The following NPHP3 variants were observed in gnomAD, a reference collection of about 807,000 sequenced individuals.
NPHP3 encodes the protein nephrocystin 3.
A neutral mutation model predicts 171.9 loss-of-function variants in NPHP3; 123 were observed. The observed-to-expected ratio is 0.72, with a 90% CI of 0.62 to 0.83. The LOEUF (loss-of-function observed/expected upper bound fraction) is 0.83, where lower values mean the gene tolerates loss of function less well. Ranked by LOEUF, NPHP3 falls within the 40% of genes least tolerant of loss-of-function variation. The pLI, the probability that NPHP3 is intolerant of heterozygous loss-of-function variation, is 0.00. For synonymous variants in NPHP3, 558 were observed against 579.2 expected (o/e 0.96, Z 0.52); for missense variants, 1,506 against 1,591.9 (o/e 0.95, Z 0.92).
chr3:132,686,025 G>C (rs1576661481), intron 23 of NPHP3: 1 of 418,008 alleles, frequency 2.4e-6, no homozygotes, highest in Admixed American at 3.5e-5. Flanking sequence ...CTCCAGCCTG[G>C]GCAACAGAGC....
chr3:132,707,938 A>G (rs1396958621), intron 7 of NPHP3, among the ~76,000 whole-genome samples, 163 bp downstream of exon 7: 2 of 152,142 alleles, frequency 1.3e-5, no homozygotes, highest in Non-Finnish European at 2.9e-5. Flanking sequence ...GTTCTTCACA[A>G]TCAATGAGGC....
Position 132,716,903 on chromosome 3 carries a change from C to T in NPHP3, c.677G>A (p.Gly226Glu). Residue 226 changes from glycine (G) to glutamate (E), a missense_variant, in exon 4 of 27, where the codon GGA becomes GAA. Gly to Glu is a moderately conservative substitution (Grantham distance 98). Around this residue, in one of 3 missense-constraint regions of NPHP3, gnomAD observed 930 missense variants for 924.9 expected, o/e 1.01. Coordinates refer to ENST00000337331, the MANE Select transcript of NPHP3 (RefSeq NM_153240.5). ...GCCAGTCCAATATTCACATTGGGTT[C>T]CAGCAGCTGTTCAGCAAGAGATTTT... Reference protein sequence around the residue: ...DDNCTDVTAAGTQCEYWTGGA... With the variant: ...DDNCTDVTAAETQCEYWTGGA... The T allele has an allele frequency of 6.2e-7, 1 of 1,613,876 alleles. No individual in the cohort carries two copies. Among genetic ancestry groups the T allele is most frequent in the Non-Finnish European group, 8.5e-7 (1 of 1,180,020 alleles).
In NPHP3 at chr3:132,681,258, CTTTTTTTTTTTTT is replaced by C. The variant is rs886058000; in HGVS notation, c.*639_*651del. 2 of 105,658 alleles carry C rather than the reference CTTTTTTTTTTTTT, an allele frequency of 1.9e-5. No homozygotes were observed. The allele number at this position is 105,658 out of a possible 1,614,324, so 6.5% of individuals were successfully genotyped here. ...GAGAGCTCAAAAGAATCATGGAATT[CTTTTTTTTTTTTT>C]TTTTTTTTTTGAGACAGAGTCTCAC... is the stretch of plus-strand genomic sequence containing the variant. On this transcript the variant is annotated 3_prime_UTR_variant, in exon 27 of 27. Coordinates refer to ENST00000337331, the MANE Select transcript of NPHP3 (RefSeq NM_153240.5).
At position 132,722,229 on chromosome 3, in the gene NPHP3, T is replaced by G. The variant is rs1317268471; in HGVS notation, c.127A>C (p.Asn43His). The G allele has an allele frequency of 1.9e-6, 3 of 1,551,630 alleles. No individual in the cohort carries two copies. Among genetic ancestry groups the G allele is most frequent in the Non-Finnish European group, 2.6e-6 (3 of 1,159,366 alleles). ...EVKPKARLLR[N>H]SFRRGAGAAA... ...GCCCCCGCGCCTCGGCGGAACGAGTTGCGCAGCAGGCGGGCCTTGGGCTTC... is the reference window on the plus strand; with the variant it reads ...GCCCCCGCGCCTCGGCGGAACGAGTGGCGCAGCAGGCGGGCCTTGGGCTTC... The change falls in exon 1 of 27, where the codon AAC (asparagine) becomes CAC (histidine). Residue 43 changes from asparagine to histidine, a missense_variant. Asn to His is a moderately conservative substitution (Grantham distance 68). Around this residue, in one of 3 missense-constraint regions of NPHP3, gnomAD observed 930 missense variants for 924.9 expected, o/e 1.01. Coordinates refer to ENST00000337331, the MANE Select transcript of NPHP3 (RefSeq NM_153240.5).
In NPHP3 at chr3:132,684,933, T is replaced by C. The variant is rs143882570; in HGVS notation, c.3330-139A>G. 113 of 1,029,474 alleles carry C rather than the reference T, an allele frequency of 1.1e-4. No individual in the cohort carries two copies. In the African/African-American group the frequency reaches 1.5e-3, roughly 14 times the overall value. 63.8% of individuals were successfully genotyped at this position (1,029,474 alleles called of 1,614,324 possible). On this transcript the variant is annotated intron_variant, in intron 23 of 26. Coordinates refer to ENST00000337331, the MANE Select transcript of NPHP3 (RefSeq NM_153240.5). ...TAAGAGATTCAGCTCAAAATCTTAC[T>C]TTCCCCCTCTTCCCCACCCCTATCT...
chr3:132,703,175 T>C (rs1939660533), intron 9 of NPHP3, among the ~76,000 whole-genome samples: 1 of 152,244 alleles, frequency 6.6e-6, no homozygotes, highest in Non-Finnish European at 1.5e-5. Context: ...TATTAGTTAT[T>C]CTCATTTTAC....
chr3:132,704,363 C>G lies in NPHP3; in HGVS notation c.1359G>C (p.Leu453=). 6.2e-7 allele frequency: 1 copy of G among 1,614,090 alleles called. No homozygotes were observed. The highest frequency in any genetic ancestry group is 2.2e-5 in the East Asian group (1 of 44,874). ...CVEKIIKQDI[L]GFENTDLETK... ...TCTCCAAGTCTGTGTTCTCAAAACC[C>G]AGTATGTCCTAAACACAAAGAACAA... Residue 453 remains leucine, a synonymous_variant, in exon 9 of 27, where the codon CTG becomes CTC. Coordinates refer to ENST00000337331, the MANE Select transcript of NPHP3 (RefSeq NM_153240.5).
intron 6 of NPHP3, among the ~76,000 whole-genome samples, chr3:132,711,675 T>C (rs1939912545): frequency 6.6e-6 from 1 of 151,684 alleles, no homozygotes; most frequent in African/African-American, 2.4e-5. Flanking sequence ...TTAGAAAAAA[T>C]AATGTAACAA....
At chr3:132,721,937 G>A (rs773074196) in intron 1 of NPHP3, 26 bp downstream of exon 1, 6 of 1,609,874 alleles carry the variant, frequency 3.7e-6, no homozygotes, top group Non-Finnish European at 3.4e-6. Flanking sequence ...AGGGTCTCCC[G>A]GCGTCGCGGC....
intron 1 of NPHP3, chr3:132,721,474 G>C (rs560793264): frequency 9.9e-6 from 2 of 201,598 alleles, no homozygotes; most frequent in African/African-American, 4.7e-5. Context: ...TTATGGTGGG[G>C]AGGGGGGTGA....
In NPHP3 at chr3:132,722,281, G is replaced by A. The variant is rs746955224; in HGVS notation, c.75C>T (p.Gly25=). 3 of 1,577,624 alleles carry A rather than the reference G, an allele frequency of 1.9e-6. No individual in the cohort carries two copies. The highest frequency in any genetic ancestry group is 2.4e-5 in the East Asian group (1 of 42,304). The change falls in exon 1 of 27, where the codon GGC becomes GGT. Residue 25 remains glycine, a synonymous_variant. Transcript: ENST00000337331. The part of the protein sequence containing the change: ...VIEDTYGAGG[G]EACEIPVEVK... ...CCTCCACCGGGATCTCGCAGGCCTC[G>A]CCGCCGCCCGCCCCGTACGTGTCCT... is the stretch of plus-strand genomic sequence containing the variant.
chr3:132,714,978 T>C (rs1940010717), intron 5 of NPHP3, 107 bp downstream of exon 5: 4 of 908,452 alleles, frequency 4.4e-6, no homozygotes, highest in Admixed American at 2.1e-5. Context: ...TTAAGACATA[T>C]AATCTAGTAG....
chr3:132,709,790 T>A (rs951379116), intron 6 of NPHP3, among the ~76,000 whole-genome samples: 1 of 152,236 alleles, frequency 6.6e-6, no homozygotes, highest in African/African-American at 2.4e-5. Flanking sequence ...CATTCTGTTG[T>A]ATATTTCTGC....
intron 23 of NPHP3, 190 bp downstream of exon 23, chr3:132,686,070 A>G: frequency 1.8e-6 from 1 of 559,740 alleles, no homozygotes; most frequent in Non-Finnish European, 3.1e-6. Context: ...AAAGAGTGTG[A>G]AAAGAAACAC....
chr3:132,689,112 A>G lies in NPHP3; in HGVS notation c.2845T>C (p.Leu949=). The change falls in exon 20 of 27, where the codon TTG becomes CTG. Residue 949 remains leucine (L), a synonymous_variant. Transcript: ENST00000337331. ...MSCLADLYET[L]GRFLKDLGLL... ...CCTAGATCCTTGAGAAATCGCCCCA[A>G]GGTTTCATAAAGATCAGCTAAGCAA... 1 of 1,614,118 alleles carries G rather than the reference A, an allele frequency of 6.2e-7. No homozygotes were observed. Among genetic ancestry groups the G allele is most frequent in the Non-Finnish European group, 8.5e-7 (1 of 1,180,004 alleles).
intron 9 of NPHP3, among the ~76,000 whole-genome samples, chr3:132,702,780 A>C (rs73002519): frequency 1.4e-3 from 207 of 152,356 alleles, no homozygotes; most frequent in African/African-American, 4.7e-3. Context: ...AACTCAAATA[A>C]TTCAAATAGA....
chr3:132,697,730 T>C (rs1216835823), intron 13 of NPHP3, among the ~76,000 whole-genome samples: 1 of 152,216 alleles, frequency 6.6e-6, no homozygotes, highest in Non-Finnish European at 1.5e-5. Context: ...GTAATGCAAC[T>C]GAAATTTAAC....
chr3:132,717,051 A>AAAAG, intron 3 of NPHP3, 142 bp from the exon 4 acceptor site: 1 of 949,726 alleles, frequency 1.1e-6, no homozygotes, highest in Non-Finnish European at 1.6e-6. Context: ...ATACTTTGCC[A>AAAAG]TCGACTTTTG....
In NPHP3 at chr3:132,688,689, T is replaced by C; in HGVS notation, c.3086A>G (p.Glu1029Gly). 1 of 1,614,132 alleles carries C rather than the reference T, an allele frequency of 6.2e-7. No homozygotes were observed. The highest frequency in any genetic ancestry group is 8.5e-7 in the Non-Finnish European group (1 of 1,179,962). The change falls in exon 21 of 27, where the codon GAA becomes GGA. Residue 1029 changes from glutamate to glycine, a missense_variant. Coordinates refer to ENST00000337331, the MANE Select transcript of NPHP3 (RefSeq NM_153240.5). ...YGADHPYTAR[E>G]LEALATLYQK... ...GTACAAAGTTGCAAGTGCTTCAAGTTCACGAGCAGTATATGGATGGTCCGC... is the reference window on the plus strand; with the variant it reads ...GTACAAAGTTGCAAGTGCTTCAAGTCCACGAGCAGTATATGGATGGTCCGC...
Sources: gnomAD v4.1 joint callset for allele counts (sites outside exome capture counted in the v4.1 genomes callset) on GRCh38, gnomAD v4.1.1 for gene constraint, gnomAD v4.1.1 regional missense constraint, MANE v1.5 for transcripts, NCBI Gene and HGNC (gene_info 2026-07-23, HGNC 2026-07-21) for gene names.